Variants in PKD1L1 observed in about 807,000 individuals in gnomAD.
PKD1L1 encodes polycystin-1-like protein 1.
Under a neutral mutation model 323.4 loss-of-function variants are expected in PKD1L1, and 236 were observed. The ratio of observed to expected loss-of-function variants is 0.73; its 90% CI spans 0.66 to 0.81. The LOEUF (loss-of-function observed/expected upper bound fraction) is 0.81, where lower values mean the gene tolerates loss of function less well. Ranked by LOEUF, PKD1L1 falls within the 40% of genes least tolerant of loss-of-function variation. PKD1L1 has a pLI of 0.00. For synonymous variants in PKD1L1, 1,344 were observed against 1,335.0 expected (o/e 1.01, Z -0.15); for missense variants, 3,320 against 3,508.0 (o/e 0.95, Z 1.35).
In PKD1L1 at chr7:47,881,979, C is replaced by T. The variant is rs762765994; in HGVS notation, c.3372G>A (p.Glu1124=). ...TGGGCCAGTCAATCATGAGGACAGG[C>T]TCGGCTCTGCCTGCAGACAGGGAGG... ...VDPSLSAGRA[E]PVLMIDWPKA... The change falls in exon 20 of 57, where the codon GAG becomes GAA. Residue 1124 remains glutamate (E), a synonymous_variant. Transcript: ENST00000289672. 8.1e-6 allele frequency: 13 copies of T among 1,613,972 alleles called. No individual in the cohort carries two copies. The East Asian group carries it at 2.0e-4, about 25-fold the overall frequency.
Position 47,846,921 on chromosome 7 carries a change from A to T in PKD1L1, c.5111T>A (p.Phe1704Tyr). 1 of 1,613,366 alleles carries T rather than the reference A, an allele frequency of 6.2e-7. No homozygotes were observed. Reference protein sequence around the residue: ...WDKREWKSERFSPQPGTSPEK... With the variant: ...WDKREWKSERYSPQPGTSPEK... Reference sequence around the variant, plus strand: ...AGGAGAAGTCCCTGGTTGTGGAGAGAAACGTTCAGATTTCCACTCTCTCTT... The same window carrying T: ...AGGAGAAGTCCCTGGTTGTGGAGAGTAACGTTCAGATTTCCACTCTCTCTT... Residue 1704 changes from phenylalanine to tyrosine, a missense_variant, in exon 32 of 57, where the codon TTC (phenylalanine) becomes TAC (tyrosine). Transcript: ENST00000289672.
chr7:47,898,360 T>C (rs1787006022), intron 13 of PKD1L1, among the ~76,000 whole-genome samples, 166 bp from the exon 14 acceptor site: 1 of 152,012 alleles, frequency 6.6e-6, no homozygotes, highest in African/African-American at 2.4e-5. Context: ...GAATAAACAC[T>C]ACATCTATTT....
chr7:47,827,344 A>G lies in PKD1L1; in HGVS notation c.6854+6T>C, dbSNP rs1370891815. On this transcript the variant is annotated splice_donor_region_variant and intron_variant, in intron 45 of 56. Transcript: ENST00000289672. ...GCAAGCCCTCCCGACAGAAGCCGCCACCCACCTCAGGGCAGCCCGTGTGCG... is the reference window on the plus strand; with the variant it reads ...GCAAGCCCTCCCGACAGAAGCCGCCGCCCACCTCAGGGCAGCCCGTGTGCG... 1.2e-6 allele frequency: 2 copies of G among 1,602,746 alleles called. No homozygotes were observed. The highest frequency in any genetic ancestry group is 1.7e-6 in the Non-Finnish European group (2 of 1,174,400).
At chr7:47,880,297 T>TTG (rs1786522062) in intron 21 of PKD1L1, among the ~76,000 whole-genome samples, 1 of 108,800 alleles carries the variant, frequency 9.2e-6, no homozygotes, top group Non-Finnish European at 1.8e-5. Flanking sequence ...TTTTTTTTTT[T>TTG]TTTTGAGACA....
intron 32 of PKD1L1, 51 bp from the exon 33 acceptor site, chr7:47,845,129 T>C: frequency 6.8e-7 from 1 of 1,476,146 alleles, no homozygotes; most frequent in East Asian, 2.3e-5. Flanking sequence ...AGAGCAGCTG[T>C]TGACAGTGTA....
chr7:47,944,707 G>A (rs1190892756), intron 1 of PKD1L1, among the ~76,000 whole-genome samples: 1 of 152,174 alleles, frequency 6.6e-6, no homozygotes, highest in Non-Finnish European at 1.5e-5. Flanking sequence ...GACTCCCTAG[G>A]CCTTGACAGC....
intron 21 of PKD1L1, among the ~76,000 whole-genome samples, chr7:47,880,247 GAT>G (rs1270124549): frequency 2.2e-4 from 22 of 98,260 alleles, no homozygotes; most frequent in Non-Finnish European, 3.0e-4. Context: ...GCATAAATAA[GAT>G]ATATATATAT....
intron 45 of PKD1L1, among the ~76,000 whole-genome samples, chr7:47,822,373 G>A (rs931381572): frequency 6.6e-6 from 1 of 151,828 alleles, no homozygotes; most frequent in Non-Finnish European, 1.5e-5. Flanking sequence ...GGCGGATCAC[G>A]AGGTCAGGAG....
intron 31 of PKD1L1, among the ~76,000 whole-genome samples, chr7:47,852,026 TC>T (rs763881620): frequency 6.6e-6 from 1 of 152,248 alleles, no homozygotes; most frequent in Non-Finnish European, 1.5e-5. Flanking sequence ...AATGTTGATT[TC>T]TTTTCCTTAT....
At position 47,886,068 on chromosome 7, in the gene PKD1L1, T is replaced by G; in HGVS notation, c.2837-14A>C. ...TGCAGAAGGGAACTTAAGCAAACGTTTGGCAGTGTTAGAATTTTGCAGCAA... is the reference window on the plus strand; with the variant it reads ...TGCAGAAGGGAACTTAAGCAAACGTGTGGCAGTGTTAGAATTTTGCAGCAA... On this transcript the variant is annotated splice_polypyrimidine_tract_variant and intron_variant, in intron 17 of 56. Coordinates refer to ENST00000289672, the MANE Select transcript of PKD1L1 (RefSeq NM_138295.5). The G allele has an allele frequency of 6.3e-7, 1 of 1,589,206 alleles. No individual in the cohort carries two copies. Among genetic ancestry groups the G allele is most frequent in the South Asian group, 1.1e-5 (1 of 87,512 alleles).
chr7:47,902,779 C>T (rs1787120237), intron 12 of PKD1L1, among the ~76,000 whole-genome samples: 2 of 152,242 alleles, frequency 1.3e-5, no homozygotes, highest in African/African-American at 2.4e-5. Flanking sequence ...TCAAACAATA[C>T]ATCTATGTGA....
At chr7:47,831,408 C>T in intron 41 of PKD1L1, 56 bp from the exon 42 acceptor site, 1 of 1,562,896 alleles carries the variant, frequency 6.4e-7, no homozygotes, top group Non-Finnish European at 8.7e-7. Context: ...CATCTCCATC[C>T]ACGCGGAGTG....
In PKD1L1 at chr7:47,839,692, G is replaced by C; in HGVS notation, c.5553-30C>G. 6.5e-7 allele frequency: 1 copy of C among 1,547,024 alleles called. No individual in the cohort carries two copies. The highest frequency in any genetic ancestry group is 1.7e-4 in the Middle Eastern group (1 of 5,826). On this transcript the variant is annotated intron_variant, in intron 35 of 56. Transcript: ENST00000289672. The surrounding 1 kb of genome is among the most constrained non-coding windows in gnomAD (Gnocchi z 4.3). ...AGGCACACACAGCAGCATCTCAGCC[G>C]GGTGGGTGACAGTGTGGTCCTGGCA... is the stretch of plus-strand genomic sequence containing the variant.
intron 13 of PKD1L1, 132 bp from the exon 14 acceptor site, chr7:47,898,326 AG>A: frequency 1.4e-6 from 1 of 719,536 alleles, no homozygotes; most frequent in South Asian, 1.9e-5. Context: ...TGGTATTCTT[AG>A]GTCTGGGCTT....
At chr7:47,926,292 ATAACT>A (rs914780345) in intron 7 of PKD1L1, among the ~76,000 whole-genome samples, 151 of 152,336 alleles carry the variant, frequency 9.9e-4, no homozygotes, top group African/African-American at 3.5e-3. Flanking sequence ...TCTTTAGGTA[ATAACT>A]TAACTCTTTC....
At chr7:47,888,291 T>C (rs755785916) in intron 16 of PKD1L1, 141 bp from the exon 17 acceptor site, 1 of 826,404 alleles carries the variant, frequency 1.2e-6, no homozygotes, top group East Asian at 2.7e-5. Flanking sequence ...ACAGCACATA[T>C]GATGGCACAT....
chr7:47,880,280 ATATATTT>A (rs1287063142), intron 21 of PKD1L1, among the ~76,000 whole-genome samples: 33 of 71,554 alleles, frequency 4.6e-4, no homozygotes, highest in South Asian at 1.5e-3. Flanking sequence ...ATATATATAT[ATATATTT>A]TTTTTTTTTT....
chr7:47,911,599 T>C (rs976406985), intron 8 of PKD1L1, among the ~76,000 whole-genome samples: 12 of 152,098 alleles, frequency 7.9e-5, no homozygotes, highest in African/African-American at 2.9e-4. Context: ...TAGGAGTTAA[T>C]CCAAAAACAA....
At position 47,799,277 on chromosome 7, in the gene PKD1L1, G is replaced by A. The variant is rs548070220; in HGVS notation, c.8193+1372C>T. On this transcript the variant is annotated intron_variant, in intron 54 of 56. Coordinates refer to ENST00000289672, the MANE Select transcript of PKD1L1 (RefSeq NM_138295.5). The stretch of plus-strand genomic sequence containing the variant: ...TCGATGGATTTATGCATTCATGGAT[G>A]AGCAAGAGTAGGGAGCTAGGATCAT... 3.3e-4 allele frequency among the ~76,000 whole-genome samples: 50 copies of A among 152,322 alleles called. 1 individual carries two copies. The highest frequency in any genetic ancestry group is 3.4e-3 in the Middle Eastern group (1 of 294).
Sources: gnomAD v4.1 joint callset for allele counts (sites outside exome capture counted in the v4.1 genomes callset) on GRCh38, gnomAD v4.1.1 for gene constraint, Gnocchi (gnomAD v3.1) non-coding constraint, MANE v1.5 for transcripts, NCBI Gene and HGNC (gene_info 2026-07-23, HGNC 2026-07-21) for gene names.